The following EFHC1 variants were observed in gnomAD, a reference collection of about 807,000 sequenced individuals.
EFHC1 encodes the protein EF-hand domain-containing protein 1.
EFHC1 carries 53 observed loss-of-function variants against 69.9 expected under a neutral mutation model. That is an observed-to-expected ratio of 0.76 (90% CI 0.61 to 0.95). EFHC1 has a LOEUF of 0.95. Ranked by LOEUF, EFHC1 falls within the 40% of genes least tolerant of loss-of-function variation. EFHC1 has a pLI of 0.00. For synonymous variants in EFHC1, 256 were observed against 278.4 expected, an observed-to-expected ratio of 0.92 and a Z score of 0.80; for missense variants, 739 against 798.7, an observed-to-expected ratio of 0.93 and a Z score of 0.90.
intron 7 of EFHC1, 119 bp from the exon 8 acceptor site, chr6:52,478,918 A>G (rs1765603016): frequency 1.1e-6 from 1 of 945,188 alleles, no homozygotes; most frequent in Non-Finnish European, 1.7e-6. Flanking sequence ...GTTTGTTTAT[A>G]TTGTAAAAAC....
intron 7 of EFHC1, 58 bp downstream of exon 7, chr6:52,469,531 GTTTAT>G: frequency 6.2e-7 from 1 of 1,604,298 alleles, no homozygotes. Flanking sequence ...GTGTACAATT[GTTTAT>G]TTTATCTGTA....
At position 52,495,481 on chromosome 6, in the gene EFHC1, T is replaced by G; in HGVS notation, c.*3140T>G. 2.2e-6 allele frequency: 1 copy of G among 454,138 alleles called. No homozygotes were observed. The highest frequency in any genetic ancestry group is 1.6e-5 in the South Asian group (1 of 64,468). The allele number at this position is 454,138 out of a possible 1,614,324, so 28.1% of individuals were successfully genotyped here. A position where few individuals can be genotyped will look rare whatever the true frequency, so the allele number is the denominator to read the frequency against. ...GGATCGGCAGCAAATCTGCAACATATGGATATATTTGCCAATTTTTGTCCT... is the reference window on the plus strand; with the variant it reads ...GGATCGGCAGCAAATCTGCAACATAGGGATATATTTGCCAATTTTTGTCCT... On this transcript the variant is annotated 3_prime_UTR_variant, in exon 11 of 11. Coordinates refer to ENST00000371068, the MANE Select transcript of EFHC1 (RefSeq NM_018100.4).
intron 6 of EFHC1, 96 bp downstream of exon 6, chr6:52,465,211 A>G (rs1765276657): frequency 6.4e-6 from 7 of 1,095,242 alleles, no homozygotes; most frequent in East Asian, 5.1e-5. Context: ...TCGATAAATA[A>G]TGGACAAAGT....
chr6:52,465,144 G>A, intron 6 of EFHC1, 29 bp downstream of exon 6: 1 of 1,593,556 alleles, frequency 6.3e-7, no homozygotes, highest in Non-Finnish European at 8.6e-7. Flanking sequence ...TTAGTGTGGT[G>A]AGAAAACTAA....
Position 52,493,693 on chromosome 6 carries a change from G to T in EFHC1, c.*1352G>T. 1 of 453,704 alleles carries T rather than the reference G, an allele frequency of 2.2e-6. No individual in the cohort carries two copies. The highest frequency in any genetic ancestry group is 1.6e-5 in the South Asian group (1 of 64,450). 28.1% of individuals were successfully genotyped at this position (453,704 alleles called of 1,614,324 possible). A position where few individuals can be genotyped will look rare whatever the true frequency, so the allele number is the denominator to read the frequency against. On this transcript the variant is annotated 3_prime_UTR_variant, in exon 11 of 11. Coordinates refer to ENST00000371068, the MANE Select transcript of EFHC1 (RefSeq NM_018100.4). ...GTTAGAAAAATGCTGCTTTTAGAGAGCCTGGCCTTGAGAGAGGAAGGAAAG... is the reference window on the plus strand; with the variant it reads ...GTTAGAAAAATGCTGCTTTTAGAGATCCTGGCCTTGAGAGAGGAAGGAAAG...
chr6:52,444,323 C>T (rs374208912), intron 3 of EFHC1, among the ~76,000 whole-genome samples: 9 of 152,102 alleles, frequency 5.9e-5, no homozygotes, highest in African/African-American at 2.4e-5. Flanking sequence ...TTCCAACACT[C>T]TGTTGAATAG....
chr6:52,490,579 C>T (rs1328350526), intron 10 of EFHC1: 2 of 605,428 alleles, frequency 3.3e-6, no homozygotes, highest in East Asian at 2.7e-5. Flanking sequence ...CTGGACAACA[C>T]AGAGTGGTTA....
intron 5 of EFHC1, among the ~76,000 whole-genome samples, chr6:52,462,476 CAG>C (rs1476793006): frequency 2.6e-5 from 4 of 151,908 alleles, no homozygotes; most frequent in Non-Finnish European, 4.4e-5. Context: ...ACAAAGGTAA[CAG>C]AGAAGATTTG....
At chr6:52,461,040 G>C (rs1180252708) in intron 5 of EFHC1, among the ~76,000 whole-genome samples, 1 of 152,024 alleles carries the variant, frequency 6.6e-6, no homozygotes, top group African/African-American at 2.4e-5. Context: ...CATAAGAAAG[G>C]GTGATAGGAT....
chr6:52,469,323 G>C lies in EFHC1; in HGVS notation c.1138-10G>C, dbSNP rs764297951. On this transcript the variant is annotated splice_polypyrimidine_tract_variant and intron_variant, in intron 6 of 10. Transcript: ENST00000371068. ...ATCTGCCTTACTTCTTGCTTCCTAT[G>C]TATCTCCAGGAGTTGCCTCCTTATA... 1 of 1,613,678 alleles carries C rather than the reference G, an allele frequency of 6.2e-7. No individual in the cohort carries two copies. Among genetic ancestry groups the C allele is most frequent in the Non-Finnish European group, 8.5e-7 (1 of 1,179,878 alleles).
chr6:52,478,385 C>T (rs1294083058), intron 7 of EFHC1, among the ~76,000 whole-genome samples: 1 of 151,902 alleles, frequency 6.6e-6, no homozygotes, highest in Non-Finnish European at 1.5e-5. Flanking sequence ...TGTAACTAAC[C>T]TGCACAATGT....
intron 3 of EFHC1, among the ~76,000 whole-genome samples, chr6:52,439,734 A>C (rs1764617964): frequency 6.6e-6 from 1 of 152,124 alleles, no homozygotes; most frequent in Admixed American, 6.6e-5. Context: ...TAGAGGCCTG[A>C]AGGAAGTAAA....
chr6:52,424,378 C>G (rs899380924), intron 2 of EFHC1, among the ~76,000 whole-genome samples: 2 of 152,152 alleles, frequency 1.3e-5, no homozygotes, highest in Non-Finnish European at 2.9e-5. Context: ...AAAGTAGTTC[C>G]CTGTAGACTT....
At position 52,441,352 on chromosome 6, in the gene EFHC1, A is replaced by G. The variant is rs185549461; in HGVS notation, c.573+2761A>G. Reference sequence around the variant, plus strand: ...ATGGCTAGCATATGGCTAGCAGGTTATCCCAGCACCTTTCCCCATTGCTTA... The same window carrying G: ...ATGGCTAGCATATGGCTAGCAGGTTGTCCCAGCACCTTTCCCCATTGCTTA... On this transcript the variant is annotated intron_variant, in intron 3 of 10. Transcript: ENST00000371068. Among the ~76,000 whole-genome samples, 7 of 152,104 alleles carry G rather than the reference A, an allele frequency of 4.6e-5. No individual in the cohort carries two copies. The East Asian group carries it at 1.2e-3, about 25-fold the overall frequency.
chr6:52,453,970 C>T, intron 4 of EFHC1, 125 bp from the exon 5 acceptor site: 1 of 1,563,222 alleles, frequency 6.4e-7, no homozygotes, highest in Non-Finnish European at 8.6e-7. Flanking sequence ...TCAATTTACC[C>T]CATCTGAAAT....
chr6:52,445,242 A>C (rs2113985822), intron 3 of EFHC1, among the ~76,000 whole-genome samples: 1 of 151,468 alleles, frequency 6.6e-6, no homozygotes, highest in Non-Finnish European at 1.5e-5. Context: ...TCTTTTCAAA[A>C]AACCAGCTCC....
intron 3 of EFHC1, among the ~76,000 whole-genome samples, chr6:52,449,705 T>C (rs1362873633): frequency 1.3e-5 from 2 of 152,236 alleles, no homozygotes; most frequent in African/African-American, 2.4e-5. Context: ...TTTATTTAGA[T>C]CTTCTCTCTT....
At chr6:52,457,994 TC>T (rs907497350) in intron 5 of EFHC1, among the ~76,000 whole-genome samples, 13 of 152,152 alleles carry the variant, frequency 8.5e-5, no homozygotes, top group African/African-American at 2.9e-4. Flanking sequence ...GACTTTACAA[TC>T]TGATGAGATC....
intron 1 of EFHC1, 132 bp downstream of exon 1, chr6:52,420,605 C>T (rs1764167965): frequency 2.7e-6 from 3 of 1,126,486 alleles, no homozygotes; most frequent in Non-Finnish European, 2.6e-6. Flanking sequence ...TGTCCTGACC[C>T]TGTTCTTTAT....
Sources: gnomAD v4.1 joint callset for allele counts (sites outside exome capture counted in the v4.1 genomes callset) on GRCh38, gnomAD v4.1.1 for gene constraint, MANE v1.5 for transcripts, NCBI Gene and HGNC (gene_info 2026-07-23, HGNC 2026-07-21) for gene names.